SLC25A48: variants seen among roughly 807,000 people sequenced by gnomAD.
The protein encoded by SLC25A48 is solute carrier family 25 member 48, also known as CTC-321K16.1.
In SLC25A48, 29 loss-of-function variants were observed where a neutral mutation model predicts 32.2. That is an observed-to-expected ratio of 0.90 (90% CI 0.67 to 1.23). The LOEUF (loss-of-function observed/expected upper bound fraction) is 1.23, where lower values mean the gene tolerates loss of function less well. Among genes scored for constraint, SLC25A48 ranks in the 50% most tolerant of loss-of-function variants. SLC25A48 has a pLI of 0.00. For missense variants in SLC25A48, 399 were observed against 422.7 expected (o/e 0.94, Z 0.49); for synonymous variants, 164 against 172.3 (o/e 0.95, Z 0.38).
chr5:135,850,102 G>A (rs956384303), intron 2 of SLC25A48, among the ~76,000 whole-genome samples: 14 of 152,196 alleles, frequency 9.2e-5, no homozygotes, highest in African/African-American at 3.4e-4. Context: ...TTGGAGGGTG[G>A]AGCGACAGAC....
chr5:135,753,265 C>T (rs1266481000), intron 3 of SLC25A48, among the ~76,000 whole-genome samples: 1 of 151,960 alleles, frequency 6.6e-6, no homozygotes, highest in East Asian at 1.9e-4. Flanking sequence ...CATAATATCA[C>T]AGGGTGTACA....
chr5:135,654,387 G>A (rs1269073226), intron 3 of SLC25A48, among the ~76,000 whole-genome samples: 1 of 152,180 alleles, frequency 6.6e-6, no homozygotes, highest in African/African-American at 2.4e-5. Flanking sequence ...ATCAGTTGGG[G>A]TTCAGTCAGG....
intron 3 of SLC25A48, among the ~76,000 whole-genome samples, chr5:135,718,380 T>C (rs952348033): frequency 6.6e-6 from 1 of 152,336 alleles, no homozygotes; most frequent in African/African-American, 2.4e-5. Context: ...GTGGTAAAGA[T>C]GTGACATAGC....
In SLC25A48 at chr5:135,779,773, A is replaced by C. The variant is rs1430721283; in HGVS notation, c.-520-32750A>C. On this transcript the variant is annotated intron_variant, in intron 3 of 10. Coordinates refer to the SLC25A48 transcript ENST00000646290. ...ACACCCCCTTTGTAATACTGGTCTT[A>C]ATATCCAACTGGGGAGAGGATAATA... Among the ~76,000 whole-genome samples the C allele has an allele frequency of 1.7e-5, 2 of 117,242 alleles. 1 individual carries two copies. Among genetic ancestry groups the C allele is most frequent in the Admixed American group, 1.8e-4 (2 of 11,376 alleles). 76.9% of individuals were successfully genotyped at this position (117,242 alleles called of 152,430 possible). A position where few individuals can be genotyped will look rare whatever the true frequency, so the allele number is the denominator to read the frequency against.
intron 3 of SLC25A48, among the ~76,000 whole-genome samples, chr5:135,692,267 C>T (rs561062177): frequency 3.5e-5 from 5 of 143,964 alleles, no homozygotes; most frequent in African/African-American, 7.9e-5. Context: ...TGCAGTGAGC[C>T]GAGATCACAC....
chr5:135,600,755 T>C (rs543548310), intron 1 of SLC25A48, among the ~76,000 whole-genome samples: 2 of 152,164 alleles, frequency 1.3e-5, no homozygotes, highest in African/African-American at 4.8e-5. Flanking sequence ...CAATCTCGGC[T>C]CACTGCAACC....
chr5:135,742,079 G>GTTTA (rs1303198580), intron 3 of SLC25A48, among the ~76,000 whole-genome samples: 1 of 151,958 alleles, frequency 6.6e-6, no homozygotes, highest in Non-Finnish European at 1.5e-5. Flanking sequence ...AATTATTTTT[G>GTTTA]TTTATTTATT....
intron 3 of SLC25A48, among the ~76,000 whole-genome samples, chr5:135,643,433 G>T (rs1185411213): frequency 6.6e-6 from 1 of 152,190 alleles, no homozygotes; most frequent in Non-Finnish European, 1.5e-5. Flanking sequence ...CTGGAAGTAA[G>T]GGTGGAACAA....
In SLC25A48 at chr5:135,852,675, G is replaced by A; in HGVS notation, c.275G>A (p.Cys92Tyr). Residue 92 changes from cysteine to tyrosine, a missense_variant, in exon 4 of 8, where the codon TGC becomes TAC. By Grantham distance (194) the Cys-to-Tyr change is radical. Transcript: ENST00000681962. ...CAGCGGTTCCTCAGCCAGCACCGCT[G>A]CGGGGAGCCAGAGGCCAGTCCTCCC... ...NTQRFLSQHRCGEPEASPPRT... is the reference protein window; with the variant it reads ...NTQRFLSQHRYGEPEASPPRT... 2 of 1,613,958 alleles carry A rather than the reference G, an allele frequency of 1.2e-6. No homozygotes were observed. Among genetic ancestry groups the A allele is most frequent in the Non-Finnish European group, 1.7e-6 (2 of 1,179,906 alleles).
Position 135,689,398 on chromosome 5 carries a change from G to A in SLC25A48, c.-521+54442G>A, listed in dbSNP as rs139135171. ...AGGAATCAGATAATTGGTCAATTGAGGTTTGTGTTCAATATGGATCATCCC... is the reference window on the plus strand; with the variant it reads ...AGGAATCAGATAATTGGTCAATTGAAGTTTGTGTTCAATATGGATCATCCC... On this transcript the variant is annotated intron_variant, in intron 3 of 10. Transcript: ENST00000646290. Among the ~76,000 whole-genome samples, 22 of 152,296 alleles carry A rather than the reference G, an allele frequency of 1.4e-4. No homozygotes were observed. The East Asian group carries it at 4.2e-3, about 29-fold the overall frequency.
chr5:135,651,597 G>A (rs904207292), intron 3 of SLC25A48, among the ~76,000 whole-genome samples: 1 of 152,188 alleles, frequency 6.6e-6, no homozygotes, highest in African/African-American at 2.4e-5. Context: ...AGCCCTAGGG[G>A]TAGTGGCTGC....
chr5:135,701,227 C>A (rs900727962), intron 3 of SLC25A48, among the ~76,000 whole-genome samples: 5 of 152,158 alleles, frequency 3.3e-5, no homozygotes, highest in Non-Finnish European at 7.4e-5. Flanking sequence ...AGGCTGTGTA[C>A]CACCCTGCTC....
intron 3 of SLC25A48, among the ~76,000 whole-genome samples, chr5:135,786,527 G>A (rs1756853125): frequency 6.6e-6 from 1 of 152,130 alleles, no homozygotes; most frequent in Admixed American, 6.5e-5. Context: ...CACCGTGGCT[G>A]TATCTGATGT....
chr5:135,685,431 C>CT (rs5871571), intron 3 of SLC25A48, among the ~76,000 whole-genome samples: 69,759 of 129,656 alleles, frequency 0.54, 19,170 homozygotes, highest in South Asian at 0.61. Flanking sequence ...GATGTAAGGA[C>CT]TTTTTTTTTT....
At chr5:135,773,449 A>G (rs1307624471) in intron 3 of SLC25A48, among the ~76,000 whole-genome samples, 1 of 151,500 alleles carries the variant, frequency 6.6e-6, no homozygotes, top group Non-Finnish European at 1.5e-5. Flanking sequence ...CAGGGGGTGT[A>G]CACCCTCCTG....
intron 6 of SLC25A48, among the ~76,000 whole-genome samples, chr5:135,879,603 A>AGTGTGTGTGT (rs1401571630): frequency 3.8e-5 from 5 of 130,048 alleles, no homozygotes; most frequent in East Asian, 3.9e-4. Flanking sequence ...AGAGAGAGAG[A>AGTGTGTGTGT]GAGAGAGAGT....
intron 5 of SLC25A48, among the ~76,000 whole-genome samples, chr5:135,873,714 G>A (rs948116624): frequency 2.6e-5 from 4 of 152,172 alleles, no homozygotes; most frequent in Admixed American, 6.5e-5. Context: ...ACTGGCTGTG[G>A]ACTGGCACTT....
intron 3 of SLC25A48, among the ~76,000 whole-genome samples, chr5:135,636,014 A>C (rs977038088): frequency 6.6e-6 from 1 of 152,104 alleles, no homozygotes; most frequent in African/African-American, 2.4e-5. Context: ...CCCCATTCCC[A>C]TTTCTGGTTC....
rs559117664 is a variant in SLC25A48 at position 135,693,132 on chromosome 5, T to C, written c.-521+58176T>C. On this transcript the variant is annotated intron_variant, in intron 3 of 10. Coordinates refer to the SLC25A48 transcript ENST00000646290. ...TGAGTGGAATTTTAATAACTTAAGA[T>C]GTTCATGGTTTTTTAAAAATTTAAA... Among the ~76,000 whole-genome samples, 296 of 152,374 alleles carry C rather than the reference T, an allele frequency of 1.9e-3. 2 individuals carry two copies. The highest frequency in any genetic ancestry group is 3.1e-3 in the Non-Finnish European group (214 of 68,032).
Sources: gnomAD v4.1 joint callset for allele counts (sites outside exome capture counted in the v4.1 genomes callset) on GRCh38, gnomAD v4.1.1 for gene constraint, MANE v1.5 for transcripts, NCBI Gene and HGNC (gene_info 2026-07-23, HGNC 2026-07-21) for gene names.